Variants in LRBA observed in about 807,000 individuals in gnomAD.
The protein encoded by LRBA is lipopolysaccharide-responsive and beige-like anchor protein.
LRBA carries 176 observed loss-of-function variants against 330.0 expected under a neutral mutation model. That is an observed-to-expected ratio of 0.53 (90% CI 0.47 to 0.60). The LOEUF is 0.60. Among genes scored for constraint, LRBA ranks in the 20% least tolerant of loss-of-function variants. LRBA has a pLI of 0.00. For synonymous variants in LRBA, 1,230 were observed against 1,193.0 expected (o/e 1.03, Z -0.64); for missense variants, 3,259 against 3,444.8 (o/e 0.95, Z 1.35).
intron 37 of LRBA, among the ~76,000 whole-genome samples, chr4:150,632,452 T>C (rs958603072): frequency 1.3e-5 from 2 of 152,124 alleles, no homozygotes; most frequent in South Asian, 4.1e-4. Flanking sequence ...AGGTATTCAA[T>C]AAAAACTTGT....
intron 5 of LRBA, among the ~76,000 whole-genome samples, chr4:150,917,244 T>G (rs1269991074): frequency 6.6e-6 from 1 of 151,970 alleles, no homozygotes; most frequent in Non-Finnish European, 1.5e-5. Flanking sequence ...CTTTTTAATT[T>G]TCCCTAATAC....
intron 2 of LRBA, among the ~76,000 whole-genome samples, chr4:150,948,300 G>A (rs1224006229): frequency 4.0e-5 from 6 of 151,876 alleles, no homozygotes; most frequent in African/African-American, 1.4e-4. Context: ...CAATGAGACA[G>A]AATAAAGAAC....
chr4:150,543,161 T>C (rs1765499721), intron 40 of LRBA, among the ~76,000 whole-genome samples: 1 of 152,190 alleles, frequency 6.6e-6, no homozygotes, highest in South Asian at 2.1e-4. Context: ...TCCTGCCAAA[T>C]GTTGGGACTT....
At position 151,014,725 on chromosome 4, in the gene LRBA, C is replaced by T; in HGVS notation, c.-83G>A. On this transcript the variant is annotated 5_prime_UTR_variant, in exon 2 of 57. Coordinates refer to ENST00000651943, the MANE Select transcript of LRBA (RefSeq NM_001364905.1). ...GGTAATGAGCACAACACACGCAATG[C>T]AAAACGAAAGGGTCCCTCTTCCAAC... 1 of 898,152 alleles carries T rather than the reference C, an allele frequency of 1.1e-6. No individual in the cohort carries two copies. Among genetic ancestry groups the T allele is most frequent in the Middle Eastern group, 3.3e-4 (1 of 3,000 alleles). The allele number at this position is 898,152 out of a possible 1,614,324, so 55.6% of individuals were successfully genotyped here.
At chr4:150,783,432 G>T (rs1263934105) in intron 34 of LRBA, among the ~76,000 whole-genome samples, 4 of 152,004 alleles carry the variant, frequency 2.6e-5, no homozygotes, top group Non-Finnish European at 5.9e-5. Context: ...CTGAGAAAAA[G>T]AAATAAAAAG....
chr4:150,620,599 T>C (rs896237955), intron 37 of LRBA, among the ~76,000 whole-genome samples: 1 of 152,184 alleles, frequency 6.6e-6, no homozygotes, highest in Non-Finnish European at 1.5e-5. Context: ...ATGTGGTATG[T>C]ATACACCATG....
intron 30 of LRBA, among the ~76,000 whole-genome samples, chr4:150,819,167 C>T (rs750852086): frequency 1.1e-4 from 16 of 149,186 alleles, no homozygotes; most frequent in Non-Finnish European, 2.1e-4. Context: ...AAGTCTTATA[C>T]TAAGGAGTAT....
intron 37 of LRBA, among the ~76,000 whole-genome samples, chr4:150,646,077 T>C (rs923790762): frequency 2.0e-5 from 3 of 151,984 alleles, no homozygotes; most frequent in African/African-American, 4.8e-5. Context: ...ATTTACTATC[T>C]GGCCCATTAT....
At chr4:151,005,602 CTTTTTTT>C (rs1187161237) in intron 2 of LRBA, among the ~76,000 whole-genome samples, 3 of 103,016 alleles carry the variant, frequency 2.9e-5, no homozygotes, top group Non-Finnish European at 5.5e-5. Flanking sequence ...GTTACCCAGG[CTTTTTTT>C]TTTTTTTTTT....
At chr4:150,419,322 A>G (rs1368851265) in intron 46 of LRBA, among the ~76,000 whole-genome samples, 1 of 152,168 alleles carries the variant, frequency 6.6e-6, no homozygotes, top group African/African-American at 2.4e-5. Context: ...TATAATCATC[A>G]GAGCTGCCTG....
At chr4:150,770,753 C>T (rs1381920983) in intron 34 of LRBA, among the ~76,000 whole-genome samples, 1 of 152,102 alleles carries the variant, frequency 6.6e-6, no homozygotes. Flanking sequence ...GCAAGCACCT[C>T]AGCTGGTCCT....
At chr4:150,813,683 A>C (rs1475478213) in intron 31 of LRBA, among the ~76,000 whole-genome samples, 1 of 152,094 alleles carries the variant, frequency 6.6e-6, no homozygotes, top group African/African-American at 2.4e-5. Flanking sequence ...CCACATGTAA[A>C]ATGTGTCTCA....
At chr4:150,401,542 A>G (rs1254109501) in intron 47 of LRBA, among the ~76,000 whole-genome samples, 7 of 152,188 alleles carry the variant, frequency 4.6e-5, no homozygotes, top group Non-Finnish European at 7.4e-5. Flanking sequence ...GTAGGGTTAC[A>G]GGAGAAGTAA....
At chr4:150,337,237 C>T (rs1281040857) in intron 48 of LRBA, among the ~76,000 whole-genome samples, 2 of 152,142 alleles carry the variant, frequency 1.3e-5, no homozygotes, top group South Asian at 4.2e-4. Flanking sequence ...AAAGATGGTG[C>T]CTGAAAGGAA....
chr4:150,863,864 T>C (rs1246420609), intron 22 of LRBA, among the ~76,000 whole-genome samples: 2 of 152,186 alleles, frequency 1.3e-5, no homozygotes, highest in East Asian at 3.8e-4. Flanking sequence ...GACTAATCTA[T>C]TCATCCTAAA....
intron 36 of LRBA, among the ~76,000 whole-genome samples, chr4:150,722,305 C>T (rs1187862427): frequency 2.0e-5 from 3 of 152,058 alleles, no homozygotes; most frequent in South Asian, 4.2e-4. Flanking sequence ...CACATATAAG[C>T]CCCTTGTGGA....
At position 150,921,285 on chromosome 4, in the gene LRBA, A is replaced by T. The variant is rs768826674; in HGVS notation, c.558T>A (p.His186Gln). ...TTAACACAGACAGCAACTTCCCAGC[A>T]TGTGGAGGCTATGAAGATAATTAAC... is the stretch of plus-strand genomic sequence containing the variant. The part of the protein sequence containing the change: ...LQGDKGRWPP[H>Q]AGKLLSVLKH... The change falls in exon 5 of 57, where the codon CAT (histidine) becomes CAA (glutamine). Residue 186 changes from histidine (H) to glutamine (Q), a missense_variant. By Grantham distance (24) the His-to-Gln change is conservative (BLOSUM62 0). Coordinates refer to ENST00000651943, the MANE Select transcript of LRBA (RefSeq NM_001364905.1). The T allele has an allele frequency of 2.5e-6, 4 of 1,600,708 alleles. No homozygotes were observed. The South Asian group carries it at 3.3e-5, about 13-fold the overall frequency.
At chr4:150,828,653 CAAACA>C in intron 29 of LRBA, 32 bp from the exon 30 acceptor site, 1 of 1,554,868 alleles carries the variant, frequency 6.4e-7, no homozygotes, top group Non-Finnish European at 8.7e-7. Flanking sequence ...AAGAAATAAA[CAAACA>C]AAAGTTTAGA....
intron 37 of LRBA, among the ~76,000 whole-genome samples, chr4:150,622,375 CA>C (rs1561435230): frequency 6.6e-6 from 1 of 152,114 alleles, no homozygotes; most frequent in Non-Finnish European, 1.5e-5. Context: ...CCCATCTCTA[CA>C]AAAGTTATAA....
Sources: allele counts gnomAD v4.1 joint callset (sites outside exome capture counted in the v4.1 genomes callset), GRCh38; gene constraint gnomAD v4.1.1; transcripts MANE v1.5; gene names NCBI Gene and HGNC (gene_info 2026-07-23, HGNC 2026-07-21).